The following CAMSAP2 variants were observed in gnomAD, a reference collection of about 807,000 sequenced individuals.
CAMSAP2 encodes the protein calmodulin regulated spectrin associated protein family member 2, also known as calmodulin-regulated spectrin-associated protein 2.
A neutral mutation model predicts 146.1 loss-of-function variants in CAMSAP2; 26 were observed. The ratio of observed to expected loss-of-function variants is 0.18; its 90% confidence interval spans 0.13 to 0.25. The LOEUF (loss-of-function observed/expected upper bound fraction) is 0.25, where lower values mean the gene tolerates loss of function less well. Ranked by LOEUF, CAMSAP2 falls within the 10% of genes least tolerant of loss-of-function variation. CAMSAP2 has a pLI of 1.00. For missense variants in CAMSAP2, 1,381 were observed against 1,759.3 expected (o/e 0.78, Z 3.85); for synonymous variants, 499 against 596.6 (o/e 0.84, Z 2.38).
intron 1 of CAMSAP2, among the ~76,000 whole-genome samples, chr1:200,747,331 G>C (rs1664363214): frequency 6.6e-6 from 1 of 152,210 alleles, no homozygotes; most frequent in African/African-American, 2.4e-5. Flanking sequence ...CTAGGGAAGA[G>C]AACATTGAGG....
intron 2 of CAMSAP2, among the ~76,000 whole-genome samples, chr1:200,795,855 G>A (rs1259050412): frequency 6.6e-6 from 1 of 152,100 alleles, no homozygotes; most frequent in Non-Finnish European, 1.5e-5. Context: ...AAAAATTTGG[G>A]CAGAATTAAA....
intron 1 of CAMSAP2, among the ~76,000 whole-genome samples, chr1:200,747,136 C>T (rs1488317436): frequency 1.3e-5 from 2 of 152,118 alleles, no homozygotes; most frequent in Non-Finnish European, 2.9e-5. Flanking sequence ...TGTATTCAAG[C>T]ACTTTTCCTG....
intron 2 of CAMSAP2, among the ~76,000 whole-genome samples, chr1:200,797,035 G>A (rs1410002477): frequency 2.0e-5 from 3 of 152,174 alleles, no homozygotes; most frequent in Admixed American, 6.5e-5. Flanking sequence ...ATTCCATGGC[G>A]TGTATGTGCC....
At chr1:200,816,985 CATATAT>C (rs1558191587) in intron 4 of CAMSAP2, among the ~76,000 whole-genome samples, 3 of 134,452 alleles carry the variant, frequency 2.2e-5, no homozygotes, top group Admixed American at 7.0e-5. Flanking sequence ...TATATCTACA[CATATAT>C]ACATATATGT....
At position 200,844,108 on chromosome 1, in the gene CAMSAP2, T is replaced by C. The variant is rs374708667; in HGVS notation, c.1022-674T>C. ...GGATGGTCTCAATCTCCTGACCTCG[T>C]GATCCACCGGCCTCAGCCTCCCAGA... is the stretch of plus-strand genomic sequence containing the variant. On this transcript the variant is annotated intron_variant, in intron 7 of 16. Transcript: ENST00000358823. Among the ~76,000 whole-genome samples, 10 of 152,034 alleles carry C rather than the reference T, an allele frequency of 6.6e-5. No homozygotes were observed. The East Asian group carries it at 1.4e-3, about 21-fold the overall frequency.
chr1:200,805,051 A>G (rs1355397384), intron 2 of CAMSAP2, among the ~76,000 whole-genome samples: 4 of 152,210 alleles, frequency 2.6e-5, no homozygotes, highest in Non-Finnish European at 1.5e-5. Flanking sequence ...AGTGTTTTTT[A>G]TCTATTGTCT....
At chr1:200,841,910 T>G (rs1667332446) in intron 6 of CAMSAP2, 84 bp from the exon 7 acceptor site, 2 of 972,628 alleles carry the variant, frequency 2.1e-6, no homozygotes, top group South Asian at 1.3e-5. Flanking sequence ...TGAATGAGAT[T>G]TAAACCTATA....
intron 6 of CAMSAP2, among the ~76,000 whole-genome samples, chr1:200,839,581 T>C (rs1571818594): frequency 6.6e-6 from 1 of 152,206 alleles, no homozygotes; most frequent in African/African-American, 2.4e-5. Flanking sequence ...ACCATTATTC[T>C]AAGTGAAGTA....
intron 11 of CAMSAP2, among the ~76,000 whole-genome samples, chr1:200,850,573 T>C (rs1667594182): frequency 6.6e-6 from 1 of 152,232 alleles, no homozygotes; most frequent in African/African-American, 2.4e-5. Context: ...CTGCCATTTT[T>C]TTTAACAGAA....
At chr1:200,845,894 C>T (rs1372569797) in intron 8 of CAMSAP2, among the ~76,000 whole-genome samples, 1 of 152,046 alleles carries the variant, frequency 6.6e-6, no homozygotes, top group African/African-American at 2.4e-5. Context: ...CATATTAATA[C>T]CTAGATAATC....
In CAMSAP2 at chr1:200,739,845, C is replaced by T. The variant is rs765286118; in HGVS notation, c.18C>T (p.Asp6=). ...GGTGAAAGATGGGGGATGCTGCAGACCCCAGGGAGATGAGAAAGACGTTCA... is the reference window on the plus strand; with the variant it reads ...GGTGAAAGATGGGGGATGCTGCAGATCCCAGGGAGATGAGAAAGACGTTCA... The part of the protein sequence containing the change: MGDAA[D]PREMRKTFIV... Residue 6 remains aspartate (D), a synonymous_variant, in exon 1 of 17, where the codon GAC becomes GAT. Coordinates refer to ENST00000358823, the MANE Select transcript of CAMSAP2 (RefSeq NM_203459.4). This position sits in a 1 kb window ranked among gnomAD's most constrained non-coding sequence, Gnocchi z 4.8. 1 of 1,613,910 alleles carries T rather than the reference C, an allele frequency of 6.2e-7. No individual in the cohort carries two copies. Among genetic ancestry groups the T allele is most frequent in the African/African-American group, 1.3e-5 (1 of 74,914 alleles).
At chr1:200,843,115 C>CTA in intron 7 of CAMSAP2, among the ~76,000 whole-genome samples, 1 of 152,276 alleles carries the variant, frequency 6.6e-6, no homozygotes, top group East Asian at 1.9e-4. Flanking sequence ...CCAATAGCTG[C>CTA]CCTACCCAAC....
chr1:200,783,374 T>C (rs1665493981), intron 2 of CAMSAP2, among the ~76,000 whole-genome samples: 1 of 152,206 alleles, frequency 6.6e-6, no homozygotes, highest in Non-Finnish European at 1.5e-5. Flanking sequence ...CAGTGTCTTA[T>C]TGGGGTTTTT....
chr1:200,821,217 C>A (rs1192382693), intron 4 of CAMSAP2, among the ~76,000 whole-genome samples: 3 of 149,936 alleles, frequency 2.0e-5, no homozygotes, highest in African/African-American at 7.4e-5. Flanking sequence ...GGGTCTCACT[C>A]TATTGCCCAG....
intron 2 of CAMSAP2, among the ~76,000 whole-genome samples, chr1:200,770,086 G>A (rs1378641600): frequency 1.3e-5 from 2 of 152,232 alleles, no homozygotes; most frequent in Non-Finnish European, 2.9e-5. Flanking sequence ...CCCCTATCAT[G>A]TCTTGGAAGA....
At chr1:200,828,241 T>C (rs1322513129) in intron 4 of CAMSAP2, among the ~76,000 whole-genome samples, 1 of 152,150 alleles carries the variant, frequency 6.6e-6, no homozygotes, top group Non-Finnish European at 1.5e-5. Flanking sequence ...TACTTCCCTT[T>C]TGTGATATAG....
chr1:200,847,850 T>C (rs533190577), intron 10 of CAMSAP2, 141 bp downstream of exon 10: 7 of 872,648 alleles, frequency 8.0e-6, no homozygotes, highest in Non-Finnish European at 1.2e-5. Context: ...AGGCAGATGA[T>C]AGAGATGTAA....
At chr1:200,842,283 A>T (rs1009571069) in intron 7 of CAMSAP2, among the ~76,000 whole-genome samples, 196 bp downstream of exon 7, 1 of 152,114 alleles carries the variant, frequency 6.6e-6, no homozygotes, top group Non-Finnish European at 1.5e-5. Context: ...AATGGCTTTG[A>T]ATTTGAAGTC....
intron 4 of CAMSAP2, among the ~76,000 whole-genome samples, chr1:200,826,728 A>G (rs1666915865): frequency 6.6e-6 from 1 of 152,214 alleles, no homozygotes; most frequent in Non-Finnish European, 1.5e-5. Context: ...AAGACAATTG[A>G]AAGGAATATT....
Sources: allele counts gnomAD v4.1 joint callset (sites outside exome capture counted in the v4.1 genomes callset), GRCh38; gene constraint gnomAD v4.1.1; non-coding constraint Gnocchi (gnomAD v3.1); transcripts MANE v1.5; gene names NCBI Gene and HGNC (gene_info 2026-07-23, HGNC 2026-07-21).